The following ITPKB variants were observed in gnomAD, a reference collection of about 807,000 sequenced individuals.
ITPKB encodes the protein IP3 3-kinase B.
ITPKB carries 13 observed loss-of-function variants against 69.4 expected under a neutral mutation model. The observed-to-expected ratio is 0.19, with a 90% CI of 0.12 to 0.30. ITPKB has a LOEUF of 0.30. ITPKB is among the 10% of genes least tolerant of loss of function. The pLI is 1.00. For synonymous variants in ITPKB, 584 were observed against 513.7 expected (o/e 1.14, Z -1.85); for missense variants, 1,240 against 1,250.5 (o/e 0.99, Z 0.13).
intron 2 of ITPKB, among the ~76,000 whole-genome samples, chr1:226,713,250 CCTTT>C (rs1463578390): frequency 6.6e-6 from 1 of 152,152 alleles, no homozygotes; most frequent in East Asian, 1.9e-4. Flanking sequence ...ATTCTGCCTT[CCTTT>C]GAGTTGCTGC....
At chr1:226,649,903 A>C (rs1669153328) in intron 2 of ITPKB, among the ~76,000 whole-genome samples, 1 of 152,252 alleles carries the variant, frequency 6.6e-6, no homozygotes, top group African/African-American at 2.4e-5. Context: ...AACTTTAATA[A>C]GAACAGGCTG....
chr1:226,655,501 GCT>G (rs1246281179), intron 2 of ITPKB, among the ~76,000 whole-genome samples: 1 of 152,242 alleles, frequency 6.6e-6, no homozygotes, highest in African/African-American at 2.4e-5. Context: ...GGCACCTGTG[GCT>G]CTCTTTTTGG....
At chr1:226,676,823 C>T (rs1317051538) in intron 2 of ITPKB, among the ~76,000 whole-genome samples, 1 of 152,220 alleles carries the variant, frequency 6.6e-6, no homozygotes, top group Non-Finnish European at 1.5e-5. Flanking sequence ...AAACAATCCA[C>T]TGAATTGGGT....
At chr1:226,720,330 A>G (rs1657203703) in intron 2 of ITPKB, among the ~76,000 whole-genome samples, 1 of 152,110 alleles carries the variant, frequency 6.6e-6, no homozygotes, top group Admixed American at 6.5e-5. Context: ...CCACCTCTGC[A>G]TTCAGTTCAG....
chr1:226,666,337 G>GT (rs1669502685), intron 2 of ITPKB, among the ~76,000 whole-genome samples: 1 of 152,190 alleles, frequency 6.6e-6, no homozygotes, highest in Admixed American at 6.5e-5. Context: ...GGGAGAAGCT[G>GT]TAAGTGCTTG....
intron 2 of ITPKB, among the ~76,000 whole-genome samples, chr1:226,722,927 C>T (rs1050066326): frequency 1.3e-5 from 2 of 152,200 alleles, no homozygotes; most frequent in Non-Finnish European, 2.9e-5. Flanking sequence ...ACCCTGCAGG[C>T]TACCTGCTCC....
rs571721829 is a variant in ITPKB, at chr1:226,738,270, G to A, written c.-205-607C>T. 1.3e-5 allele frequency among the ~76,000 whole-genome samples: 2 copies of A among 152,222 alleles called. No individual in the cohort carries two copies. Among genetic ancestry groups the A allele is most frequent in the African/African-American group, 4.8e-5 (2 of 41,466 alleles). ...TTACCTTCCTGACCCTAGCCTTGGG[G>A]CTGTGTCTCTCGGCCTACGAAGGCC... On this transcript the variant is annotated intron_variant, in intron 1 of 7. Transcript: ENST00000429204. This position sits in a 1 kb window ranked among gnomAD's most constrained non-coding sequence, Gnocchi z 4.2.
chr1:226,638,279 G>C (rs1424284543), intron 6 of ITPKB, among the ~76,000 whole-genome samples: 1 of 152,210 alleles, frequency 6.6e-6, no homozygotes, highest in African/African-American at 2.4e-5. Context: ...AGGGACTCAG[G>C]AATTGGAGGA....
chr1:226,658,919 C>T (rs1242543864), intron 2 of ITPKB, among the ~76,000 whole-genome samples: 3 of 152,174 alleles, frequency 2.0e-5, no homozygotes, highest in East Asian at 3.9e-4. Context: ...AGTGAACTAG[C>T]TAGCTAAACT....
intron 2 of ITPKB, among the ~76,000 whole-genome samples, chr1:226,686,210 C>A (rs1656213647): frequency 6.6e-6 from 1 of 152,178 alleles, no homozygotes; most frequent in Non-Finnish European, 1.5e-5. Context: ...GGGCAGGGGG[C>A]AAATCACAGA....
At chr1:226,685,383 G>A (rs937871504) in intron 2 of ITPKB, among the ~76,000 whole-genome samples, 2 of 152,072 alleles carry the variant, frequency 1.3e-5, no homozygotes, top group African/African-American at 4.8e-5. Context: ...TCCCGGTCCC[G>A]CCACATTCTC....
At chr1:226,683,682 T>A (rs921558318) in intron 2 of ITPKB, among the ~76,000 whole-genome samples, 6 of 152,108 alleles carry the variant, frequency 3.9e-5, no homozygotes, top group African/African-American at 1.4e-4. Context: ...CCCCCCGACT[T>A]GATGCTCCAT....
chr1:226,676,656 T>A (rs1486780398), intron 2 of ITPKB, among the ~76,000 whole-genome samples: 1 of 152,272 alleles, frequency 6.6e-6, no homozygotes, highest in Non-Finnish European at 1.5e-5. Context: ...GAGGTATTGT[T>A]ATCTAGCAAA....
At chr1:226,638,490 G>C (rs1330485926) in intron 6 of ITPKB, among the ~76,000 whole-genome samples, 1 of 152,100 alleles carries the variant, frequency 6.6e-6, no homozygotes, top group Non-Finnish European at 1.5e-5. Flanking sequence ...CCATTCACAG[G>C]GGCTCCAGGG....
chr1:226,700,095 A>G (rs1265243206), intron 2 of ITPKB, among the ~76,000 whole-genome samples: 1 of 152,180 alleles, frequency 6.6e-6, no homozygotes, highest in Non-Finnish European at 1.5e-5. Context: ...ACCCAGATTA[A>G]GGGTGGGTCT....
rs976056057 is a variant in ITPKB, at chr1:226,708,777, T to C, written c.1932+26750A>G. Among the ~76,000 whole-genome samples, 4 of 152,356 alleles carry C rather than the reference T, an allele frequency of 2.6e-5. No individual in the cohort carries two copies. The East Asian group carries it at 5.8e-4, about 22-fold the overall frequency. On this transcript the variant is annotated intron_variant, in intron 2 of 7. Coordinates refer to ENST00000429204, the MANE Select transcript of ITPKB (RefSeq NM_002221.4). Reference sequence around the variant, plus strand: ...ACTTACTGATCAAGGTGAAAGAATGTGTTTTCTTTATTGTTCAACTCTACT... The same window carrying C: ...ACTTACTGATCAAGGTGAAAGAATGCGTTTTCTTTATTGTTCAACTCTACT...
At chr1:226,643,565 G>C (rs1026332499) in intron 4 of ITPKB, among the ~76,000 whole-genome samples, 1 of 152,178 alleles carries the variant, frequency 6.6e-6, no homozygotes, top group Non-Finnish European at 1.5e-5. Flanking sequence ...ACTTCTCCAA[G>C]TTGCTGGTTT....
chr1:226,639,644 G>T lies in ITPKB; in HGVS notation c.2466C>A (p.Thr822=). ...RIEGIKKEDG[T]VNRDFKKTKT... The stretch of plus-strand genomic sequence containing the variant: ...TGGTCTTCTTGAAGTCCCGGTTCAC[G>T]GTGCCGTCTTCTTTCTGAGAAAGAG... The change falls in exon 6 of 8, where the codon ACC becomes ACA. Residue 822 remains threonine, a synonymous_variant. Coordinates refer to ENST00000429204, the MANE Select transcript of ITPKB (RefSeq NM_002221.4). The T allele has an allele frequency of 6.2e-7, 1 of 1,613,080 alleles. No individual in the cohort carries two copies. Among genetic ancestry groups the T allele is most frequent in the Non-Finnish European group, 8.5e-7 (1 of 1,179,066 alleles).
intron 1 of ITPKB, among the ~76,000 whole-genome samples, 199 bp from the exon 2 acceptor site, chr1:226,737,862 T>G (rs1657854555): frequency 6.6e-6 from 1 of 152,066 alleles, no homozygotes; most frequent in Admixed American, 6.5e-5. Flanking sequence ...GTTTCGGGTG[T>G]GCTTCCCCGC....
Sources: allele counts gnomAD v4.1 joint callset (sites outside exome capture counted in the v4.1 genomes callset), GRCh38; gene constraint gnomAD v4.1.1; non-coding constraint Gnocchi (gnomAD v3.1); transcripts MANE v1.5; gene names NCBI Gene and HGNC (gene_info 2026-07-23, HGNC 2026-07-21).